The following ANKRD27 variants were observed in gnomAD, a reference collection of about 807,000 sequenced individuals.
ANKRD27 encodes ankyrin repeat domain-containing protein 27.
In ANKRD27, 112 loss-of-function variants were observed where a neutral mutation model predicts 129.7. That is an observed-to-expected ratio of 0.86 (90% CI 0.74 to 1.01). The LOEUF (loss-of-function observed/expected upper bound fraction) is 1.01. Among genes scored for constraint, ANKRD27 ranks in the 50% least tolerant of loss-of-function variants. The probability of loss-of-function intolerance (pLI) is 0.00; values close to 1 mark genes in which losing one functional copy is unlikely to be tolerated. For missense variants in ANKRD27, 1,258 were observed against 1,300.5 expected, an observed-to-expected ratio of 0.97 and a Z score of 0.50; for synonymous variants, 516 against 511.2, an observed-to-expected ratio of 1.01 and a Z score of -0.13.
At chr19:32,633,485 C>T (rs376133550) in intron 12 of ANKRD27, among the ~76,000 whole-genome samples, 36 of 151,506 alleles carry the variant, frequency 2.4e-4, no homozygotes, top group Admixed American at 1.1e-3. Context: ...GGTGTGCCAC[C>T]GTGCACCGCT....
chr19:32,627,091 C>T (rs982217128), intron 15 of ANKRD27, among the ~76,000 whole-genome samples: 1 of 152,184 alleles, frequency 6.6e-6, no homozygotes, highest in Non-Finnish European at 1.5e-5. Context: ...TAGACTTCCA[C>T]AGGCTCCATG....
At chr19:32,640,210 G>A (rs1337551981) in intron 11 of ANKRD27, 97 bp downstream of exon 11, 37 of 876,604 alleles carry the variant, frequency 4.2e-5, no homozygotes, top group Admixed American at 1.3e-4. Context: ...TGATCCGCCC[G>A]CCTTGGCCTC....
chr19:32,667,333 C>T (rs1044504789), intron 1 of ANKRD27, among the ~76,000 whole-genome samples: 11 of 152,334 alleles, frequency 7.2e-5, no homozygotes, highest in African/African-American at 2.6e-4. Context: ...CATTTTCCTT[C>T]AATAACTTAT....
At chr19:32,649,906 G>C (rs978107025) in intron 2 of ANKRD27, 114 bp from the exon 3 acceptor site, 18 of 726,620 alleles carry the variant, frequency 2.5e-5, no homozygotes, top group Admixed American at 1.2e-4. Context: ...TGCTGGCAGA[G>C]AGAACGCCCG....
intron 23 of ANKRD27, among the ~76,000 whole-genome samples, chr19:32,606,939 C>CAAAAAAAAAAAAAAAAA (rs532062312): frequency 1.2e-4 from 8 of 65,648 alleles, no homozygotes; most frequent in East Asian, 1.2e-3. Context: ...CCCATCTCCA[C>CAAAAAAAAAAAAAAAAA]AAAAAAAAAA....
At chr19:32,663,689 G>C (rs2145322821) in intron 1 of ANKRD27, among the ~76,000 whole-genome samples, 1 of 152,276 alleles carries the variant, frequency 6.6e-6, no homozygotes, top group East Asian at 1.9e-4. Context: ...ACTGTCACAT[G>C]TGAGAAATAC....
chr19:32,666,560 C>T (rs1449835791), intron 1 of ANKRD27: 1 of 152,178 alleles, frequency 6.6e-6, no homozygotes, highest in Non-Finnish European at 1.5e-5. Context: ...CTCCTCATCA[C>T]CCCTGGTCTG....
intron 23 of ANKRD27, 72 bp downstream of exon 23, chr19:32,607,563 G>T (rs1391879346): frequency 6.5e-7 from 1 of 1,539,266 alleles, no homozygotes; most frequent in Admixed American, 2.0e-5. Context: ...CCCCTGCAGC[G>T]TTCCTACCAA....
At position 32,604,373 on chromosome 19, in the gene ANKRD27, C is replaced by CGTGCAGCGCTGTGTTGCCCTTATTTT. The variant is rs751306142; in HGVS notation, c.2544_2545insAAAATAAGGGCAACACAGCGCTGCAC (p.Glu849LysfsTer12). 17 of 1,613,970 alleles carry CGTGCAGCGCTGTGTTGCCCTTATTTT rather than the reference C, an allele frequency of 1.1e-5. No homozygotes were observed. Among genetic ancestry groups the CGTGCAGCGCTGTGTTGCCCTTATTTT allele is most frequent in the Non-Finnish European group, 1.0e-5 (12 of 1,179,906 alleles). On this transcript the variant is annotated frameshift_variant, in exon 25 of 29. Coordinates refer to ENST00000306065, the MANE Select transcript of ANKRD27 (RefSeq NM_032139.3). LOFTEE classifies it high-confidence loss of function. The stretch of plus-strand genomic sequence containing the variant: ...AAGACGTGCTTTTCAATCACAGCCT[C>CGTGCAGCGCTGTGTTGCCCTTATTTT]GTGCAGCGCTGTGTTGCCCTTATTG...
At position 32,605,821 on chromosome 19, in the gene ANKRD27, G is replaced by C; in HGVS notation, c.2493+14C>G. On this transcript the variant is annotated intron_variant, in intron 24 of 28. Coordinates refer to ENST00000306065, the MANE Select transcript of ANKRD27 (RefSeq NM_032139.3). ...GCGCAGGTGTGTAGAATGAGGACAG[G>C]AAGGGGCCCTCACCTGTAGCAGCAG... 1 of 1,612,366 alleles carries C rather than the reference G, an allele frequency of 6.2e-7. No homozygotes were observed. Among genetic ancestry groups the C allele is most frequent in the African/African-American group, 1.3e-5 (1 of 74,672 alleles).
intron 9 of ANKRD27, 75 bp downstream of exon 9, chr19:32,643,048 G>A (rs1568411988): frequency 1.0e-5 from 15 of 1,454,210 alleles, no homozygotes; most frequent in South Asian, 4.6e-5. Context: ...CTCTGCCACC[G>A]AGAGGGCCTG....
chr19:32,604,986 C>A (rs1047980422), intron 24 of ANKRD27, among the ~76,000 whole-genome samples: 4 of 152,080 alleles, frequency 2.6e-5, no homozygotes, highest in Admixed American at 2.6e-4. Context: ...GCAGGAGAAT[C>A]GCTTGAACCC....
chr19:32,605,797 C>A (rs373551875), intron 24 of ANKRD27, 38 bp downstream of exon 24: 6 of 1,607,658 alleles, frequency 3.7e-6, no homozygotes, highest in Non-Finnish European at 4.2e-6. Context: ...TGTTAACTGG[C>A]GCAGGTGTGT....
At chr19:32,656,351 T>G (rs933835269) in intron 2 of ANKRD27, among the ~76,000 whole-genome samples, 2 of 152,226 alleles carry the variant, frequency 1.3e-5, no homozygotes, top group Admixed American at 6.5e-5. Flanking sequence ...ATTCCCGCAG[T>G]ACGGCCAGGC....
intron 10 of ANKRD27, among the ~76,000 whole-genome samples, chr19:32,640,673 G>A (rs1047487750): frequency 6.6e-6 from 1 of 152,166 alleles, no homozygotes; most frequent in Non-Finnish European, 1.5e-5. Context: ...AGGCCGAGAC[G>A]GGAGAATTGC....
chr19:32,624,536 C>T (rs1279933426), intron 17 of ANKRD27, among the ~76,000 whole-genome samples: 3 of 152,174 alleles, frequency 2.0e-5, no homozygotes, highest in Non-Finnish European at 4.4e-5. Flanking sequence ...GTGTGTAAAT[C>T]TATCCATATA....
chr19:32,647,613 G>A (rs143036767), intron 3 of ANKRD27, among the ~76,000 whole-genome samples: 27 of 152,310 alleles, frequency 1.8e-4, no homozygotes, highest in Non-Finnish European at 2.9e-4. Context: ...GAGGAAGCAC[G>A]GGGTTGTCAG....
intron 22 of ANKRD27, among the ~76,000 whole-genome samples, chr19:32,611,259 C>T (rs1841785622): frequency 6.6e-6 from 1 of 152,180 alleles, no homozygotes; most frequent in African/African-American, 2.4e-5. Flanking sequence ...TCTCGCCACA[C>T]ACAGGTACTG....
intron 17 of ANKRD27, 54 bp downstream of exon 17, chr19:32,625,820 C>T: frequency 7.3e-7 from 1 of 1,375,664 alleles, no homozygotes; most frequent in Non-Finnish European, 9.8e-7. Flanking sequence ...CCCGACTTCT[C>T]TACGAGTGGG....
Sources: allele counts gnomAD v4.1 joint callset (sites outside exome capture counted in the v4.1 genomes callset), GRCh38; gene constraint gnomAD v4.1.1; transcripts MANE v1.5; gene names NCBI Gene and HGNC (gene_info 2026-07-23, HGNC 2026-07-21).